Variants in MYT1L observed in about 807,000 individuals in gnomAD.
MYT1L encodes the protein myelin transcription factor 1 like, also known as myelin transcription factor 1-like protein.
A neutral mutation model predicts 126.7 loss-of-function variants in MYT1L; 12 were observed. The ratio of observed to expected loss-of-function variants is 0.09; its 90% CI spans 0.06 to 0.15. MYT1L has a LOEUF of 0.15. MYT1L is among the 10% of genes least tolerant of loss of function. The pLI is 1.00. For missense variants in MYT1L, 979 were observed against 1,585.2 expected (o/e 0.62, Z 6.49); for synonymous variants, 541 against 604.2 (o/e 0.90, Z 1.53).
At chr2:1,944,603 G>C (rs1194829591) in intron 8 of MYT1L, among the ~76,000 whole-genome samples, 1 of 152,150 alleles carries the variant, frequency 6.6e-6, no homozygotes, top group Admixed American at 6.5e-5. Flanking sequence ...ATCTGGGGTA[G>C]TGAATGATCA....
intron 4 of MYT1L, among the ~76,000 whole-genome samples, chr2:2,034,217 C>G (rs2066750619): frequency 6.6e-6 from 1 of 152,164 alleles, no homozygotes; most frequent in African/African-American, 2.4e-5. Context: ...AAAGTTATGT[C>G]CAGCCGACTC....
At chr2:2,266,650 C>A (rs2095136721) in intron 2 of MYT1L, among the ~76,000 whole-genome samples, 1 of 152,060 alleles carries the variant, frequency 6.6e-6, no homozygotes, top group African/African-American at 2.4e-5. Flanking sequence ...TTGGCTGTGT[C>A]CCCACCCAAA....
intron 3 of MYT1L, among the ~76,000 whole-genome samples, chr2:2,056,387 G>GGAGTAATTTATGAGAT (rs1393413483): frequency 2.0e-5 from 3 of 152,184 alleles, no homozygotes; most frequent in Admixed American, 2.0e-4. Context: ...TTCCCGTCTG[G>GGAGTAATTTATGAGAT]GAGTAATTTA....
intron 2 of MYT1L, among the ~76,000 whole-genome samples, chr2:2,183,391 G>T (rs1475465909): frequency 6.6e-6 from 1 of 152,056 alleles, no homozygotes; most frequent in Admixed American, 6.6e-5. Context: ...AGAAAGGGTG[G>T]GGCCAGGCGG....
intron 3 of MYT1L, among the ~76,000 whole-genome samples, chr2:2,138,959 C>T (rs1457302480): frequency 6.6e-6 from 1 of 152,070 alleles, no homozygotes; most frequent in Non-Finnish European, 1.5e-5. Flanking sequence ...CCATGCCATT[C>T]TGTCTTCTAG....
chr2:2,119,637 C>G (rs1252784573), intron 3 of MYT1L, among the ~76,000 whole-genome samples: 1 of 152,150 alleles, frequency 6.6e-6, no homozygotes, highest in Non-Finnish European at 1.5e-5. Flanking sequence ...CAGCTCAGCC[C>G]AGGTTTAACC....
At chr2:1,842,906 C>G in intron 19 of MYT1L, 1 of 177,308 alleles carries the variant, frequency 5.6e-6, no homozygotes, top group South Asian at 1.2e-4. Flanking sequence ...GGCGCTTCCG[C>G]TTCCAGGCGC....
intron 14 of MYT1L, 121 bp from the exon 15 acceptor site, chr2:1,892,408 G>GTCCCAC: frequency 7.4e-7 from 1 of 1,351,038 alleles, no homozygotes; most frequent in Non-Finnish European, 9.8e-7. Context: ...CGGCCCTCAG[G>GTCCCAC]GTGCTGGGGC....
rs145871494 is a variant in MYT1L at position 2,184,077 on chromosome 2, CAG to C, written c.-420-11091_-420-11090del. On this transcript the variant is annotated intron_variant, in intron 2 of 24. Transcript: ENST00000647738. ...AGAAAGAAAAAAGGGGAGAGAGAAA[CAG>C]AGAGAGGGAGGGAGGGAAAGAAAAG... Among the ~76,000 whole-genome samples, 559 of 145,684 alleles carry C rather than the reference CAG, an allele frequency of 3.8e-3. 4 individuals carry two copies. The highest frequency in any genetic ancestry group is 0.013 in the African/African-American group (528 of 39,218).
At chr2:2,074,844 A>C (rs1336132695) in intron 3 of MYT1L, among the ~76,000 whole-genome samples, 1 of 152,166 alleles carries the variant, frequency 6.6e-6, no homozygotes, top group Non-Finnish European at 1.5e-5. Flanking sequence ...ACATTTGGAG[A>C]CCTGAGCCCT....
intron 18 of MYT1L, among the ~76,000 whole-genome samples, chr2:1,861,112 C>A (rs1558188012): frequency 6.6e-6 from 1 of 152,128 alleles, no homozygotes; most frequent in Admixed American, 6.5e-5. Context: ...GACCCCGAGG[C>A]CCTGAGGAAC....
At chr2:1,948,496 C>A (rs1490230094) in intron 8 of MYT1L, among the ~76,000 whole-genome samples, 1 of 152,220 alleles carries the variant, frequency 6.6e-6, no homozygotes, top group Non-Finnish European at 1.5e-5. Context: ...ATCAACACAG[C>A]CCTCTTGGTC....
At chr2:2,295,807 G>GAGAC (rs2095683661) in intron 1 of MYT1L, among the ~76,000 whole-genome samples, 1 of 150,716 alleles carries the variant, frequency 6.6e-6, no homozygotes, top group African/African-American at 2.4e-5. Context: ...GAGAGAGAGA[G>GAGAC]AGAGAGACAG....
Position 2,085,119 on chromosome 2 carries a change from GCA to G in MYT1L, c.-303-30998_-303-30997del, listed in dbSNP as rs757723849. 8.0e-4 allele frequency among the ~76,000 whole-genome samples: 122 copies of G among 152,218 alleles called. 1 individual carries two copies. Among genetic ancestry groups the G allele is most frequent in the Middle Eastern group, 3.4e-3 (1 of 294 alleles). ...TGAAACTCTGCAGGCCCTCCTATCT[GCA>G]CAGTTTCTTTTCTCCATCAGCTGTC... On this transcript the variant is annotated intron_variant, in intron 3 of 24. Transcript: ENST00000647738.
intron 2 of MYT1L, among the ~76,000 whole-genome samples, chr2:2,220,196 A>G (rs1028327929): frequency 1.3e-5 from 2 of 152,194 alleles, no homozygotes; most frequent in African/African-American, 2.4e-5. Context: ...GGGTCCTGAG[A>G]ACATGTGCCC....
In MYT1L at chr2:2,178,398, G is replaced by A. The variant is rs931677515; in HGVS notation, c.-420-5410C>T. Among the ~76,000 whole-genome samples the A allele has an allele frequency of 3.3e-5, 5 of 152,238 alleles. No individual in the cohort carries two copies. The East Asian group carries it at 9.6e-4, about 29-fold the overall frequency. Reference sequence around the variant, plus strand: ...AATGTGGCAAGGACATCACATTTGTGGCTGATTAGATCATTCTAGCTCATT... The same window carrying A: ...AATGTGGCAAGGACATCACATTTGTAGCTGATTAGATCATTCTAGCTCATT... On this transcript the variant is annotated intron_variant, in intron 2 of 24. Coordinates refer to ENST00000647738, the MANE Select transcript of MYT1L (RefSeq NM_001303052.2).
chr2:2,211,184 T>C (rs959586048), intron 2 of MYT1L, among the ~76,000 whole-genome samples: 13 of 152,238 alleles, frequency 8.5e-5, no homozygotes, highest in African/African-American at 3.1e-4. Context: ...TAATTGCTTA[T>C]GCATGTTTGA....
chr2:1,905,216 C>A (rs1056918374), intron 13 of MYT1L, among the ~76,000 whole-genome samples: 3 of 152,088 alleles, frequency 2.0e-5, no homozygotes, highest in Admixed American at 6.6e-5. Context: ...ATTTTAAAAG[C>A]AGAGAGTTTC....
chr2:1,956,221 C>CTATCTATA (rs1275667108), intron 8 of MYT1L, among the ~76,000 whole-genome samples: 1 of 133,324 alleles, frequency 7.5e-6, no homozygotes, highest in African/African-American at 4.0e-5. Context: ...ATCTATCTAT[C>CTATCTATA]TATCTGTCTA....
Sources: allele counts gnomAD v4.1 joint callset (sites outside exome capture counted in the v4.1 genomes callset), GRCh38; gene constraint gnomAD v4.1.1; transcripts MANE v1.5; gene names NCBI Gene and HGNC (gene_info 2026-07-23, HGNC 2026-07-21).